Variants in PCDHGA10 observed in about 807,000 individuals in gnomAD.
PCDHGA10 encodes protocadherin gamma-A10.
A neutral mutation model predicts 59.5 loss-of-function variants in PCDHGA10; 42 were observed. That is an observed-to-expected ratio of 0.71 (90% CI 0.55 to 0.91). The LOEUF (loss-of-function observed/expected upper bound fraction) is 0.91, where lower values mean the gene tolerates loss of function less well. PCDHGA10 is among the 40% of genes least tolerant of loss of function. The pLI is 0.00. For synonymous variants in PCDHGA10, 511 were observed against 517.2 expected, an observed-to-expected ratio of 0.99 and a Z score of 0.16; for missense variants, 1,111 against 1,198.2, an observed-to-expected ratio of 0.93 and a Z score of 1.07.
intron 1 of PCDHGA10, among the ~76,000 whole-genome samples, chr5:141,463,762 T>C (rs113547206): frequency 2.0e-5 from 3 of 152,214 alleles, no homozygotes; most frequent in African/African-American, 4.8e-5. Flanking sequence ...TCTTCTCTTA[T>C]GGGTTAGAAT....
At chr5:141,438,834 T>A (rs915381229) in intron 1 of PCDHGA10, among the ~76,000 whole-genome samples, 5 of 150,606 alleles carry the variant, frequency 3.3e-5, no homozygotes, top group South Asian at 2.1e-4. Context: ...GCTAATTTTT[T>A]AAAATATTTT....
At position 141,477,401 on chromosome 5, in the gene PCDHGA10, G is replaced by T. The variant is rs781253466; in HGVS notation, c.2437-17406G>T. On this transcript the variant is annotated intron_variant, in intron 1 of 3. Coordinates refer to ENST00000398610, the MANE Select transcript of PCDHGA10 (RefSeq NM_018913.3). The surrounding 1 kb of genome is among the most constrained non-coding windows in gnomAD (Gnocchi z 4.9). ...GCCAGAATACAACCTCAGCATCACC[G>T]CCCGAGACGCCGGAACCCCTTCCCT... 8 of 1,613,960 alleles carry T rather than the reference G, an allele frequency of 5.0e-6. No homozygotes were observed. The highest frequency in any genetic ancestry group is 4.5e-5 in the East Asian group (2 of 44,890).
chr5:141,489,962 C>A lies in PCDHGA10; in HGVS notation c.2437-4845C>A. The A allele has an allele frequency of 6.2e-7, 1 of 1,614,184 alleles. No individual in the cohort carries two copies. The highest frequency in any genetic ancestry group is 8.5e-7 in the Non-Finnish European group (1 of 1,180,008). ...CTGGACATCAATGATAATGCTCCAA[C>A]CTTCCAATCCTCAGTTCTACGTGTG... is the stretch of plus-strand genomic sequence containing the variant. On this transcript the variant is annotated intron_variant, in intron 1 of 3. Transcript: ENST00000398610. This position sits in a 1 kb window ranked among gnomAD's most constrained non-coding sequence, Gnocchi z 4.5.
At position 141,413,561 on chromosome 5, in the gene PCDHGA10, AT is replaced by A. The variant is rs1363955348; in HGVS notation, c.387del (p.Asp129GlufsTer14). The stretch of plus-strand genomic sequence containing the variant: ...TTTGGGATAGAAATAGAAGTAACTG[AT>A]ATCAATGACAATGCTCCAAAATTCC... ...KLFGIEIEVT[D>X]INDNAPKFQA... On this transcript the variant is annotated frameshift_variant, in exon 1 of 4. Coordinates refer to ENST00000398610, the MANE Select transcript of PCDHGA10 (RefSeq NM_018913.3). LOFTEE classifies it high-confidence loss of function. The A allele has an allele frequency of 6.2e-6, 10 of 1,613,806 alleles. No individual in the cohort carries two copies. In the Admixed American group the frequency reaches 1.3e-4, roughly 22 times the overall value.
At chr5:141,501,423 A>C (rs1195105794) in intron 2 of PCDHGA10, among the ~76,000 whole-genome samples, 1 of 151,966 alleles carries the variant, frequency 6.6e-6, no homozygotes, top group Non-Finnish European at 1.5e-5. Flanking sequence ...AGTTGACTAA[A>C]TGTAGTCCAT....
intron 1 of PCDHGA10, among the ~76,000 whole-genome samples, chr5:141,438,591 C>CATACAT (rs1228520343): frequency 1.3e-5 from 1 of 75,562 alleles, no homozygotes; most frequent in Non-Finnish European, 2.7e-5. Flanking sequence ...TACATACATA[C>CATACAT]ATATATATAT....
In PCDHGA10 at chr5:141,476,839, G is replaced by T; in HGVS notation, c.2437-17968G>T. The T allele has an allele frequency of 1.9e-6, 3 of 1,613,610 alleles. No individual in the cohort carries two copies. Among genetic ancestry groups the T allele is most frequent in the East Asian group, 2.2e-5 (1 of 44,862 alleles). ...AGGTGCTGGACGCGAATGACAATGC[G>T]CCTGTCTTCAACCAGTCCTTGTACC... On this transcript the variant is annotated intron_variant, in intron 1 of 3. Coordinates refer to ENST00000398610, the MANE Select transcript of PCDHGA10 (RefSeq NM_018913.3). This position sits in a 1 kb window ranked among gnomAD's most constrained non-coding sequence, Gnocchi z 7.6.
At chr5:141,450,676 G>A (rs1174388119) in intron 1 of PCDHGA10, among the ~76,000 whole-genome samples, 5 of 151,796 alleles carry the variant, frequency 3.3e-5, no homozygotes, top group African/African-American at 7.3e-5. Flanking sequence ...TAGTAGAAAC[G>A]GGGTTTTGCC....
chr5:141,423,159 G>A lies in PCDHGA10; in HGVS notation c.2436+7548G>A, dbSNP rs750186629. On this transcript the variant is annotated intron_variant, in intron 1 of 3. Transcript: ENST00000398610. Reference sequence around the variant, plus strand: ...GAGACGCGCTCAAGCAGAGCCTCGTGGTGGCCGTCCAGGACCACGGCCAGC... The same window carrying A: ...GAGACGCGCTCAAGCAGAGCCTCGTAGTGGCCGTCCAGGACCACGGCCAGC... The A allele has an allele frequency of 1.9e-5, 31 of 1,610,746 alleles. 1 individual carries two copies. The highest frequency in any genetic ancestry group is 3.3e-4 in the Middle Eastern group (2 of 6,080).
chr5:141,461,371 G>C (rs755281402), intron 1 of PCDHGA10, among the ~76,000 whole-genome samples: 1 of 152,084 alleles, frequency 6.6e-6, no homozygotes, highest in Non-Finnish European at 1.5e-5. Context: ...GTTTTAATTT[G>C]CATTTTCCTG....
At chr5:141,475,829 G>A (rs1408248560) in intron 1 of PCDHGA10, 5 of 386,748 alleles carry the variant, frequency 1.3e-5, no homozygotes, top group Non-Finnish European at 2.3e-5. Flanking sequence ...GCGCTAGCGC[G>A]TGTCCTGCTC....
chr5:141,424,195 A>C (rs2096804945), intron 1 of PCDHGA10: 1 of 183,680 alleles, frequency 5.4e-6, no homozygotes, highest in Non-Finnish European at 1.1e-5. Context: ...ACACACTTAT[A>C]CACGTAAGCT....
chr5:141,496,140 T>C (rs1172903212), intron 2 of PCDHGA10, among the ~76,000 whole-genome samples: 1 of 152,006 alleles, frequency 6.6e-6, no homozygotes, highest in Admixed American at 6.6e-5. Flanking sequence ...CACTGAGCCT[T>C]TGATCGCAGC....
Position 141,414,572 on chromosome 5 carries a change from C to T in PCDHGA10, c.1397C>T (p.Pro466Leu). The change falls in exon 1 of 4, where the codon CCA becomes CTA. Residue 466 changes from proline to leucine, a missense_variant. Coordinates refer to ENST00000398610, the MANE Select transcript of PCDHGA10 (RefSeq NM_018913.3). The stretch of plus-strand genomic sequence containing the variant: ...CAAGTCTCCTACTTTACCTATATCC[C>T]AGAGAACAACGCCAGGGGTGCCTCC... Reference protein sequence around the residue: ...FSQVSYFTYIPENNARGASIF... With the variant: ...FSQVSYFTYILENNARGASIF... 6.2e-7 allele frequency: 1 copy of T among 1,613,960 alleles called. No individual in the cohort carries two copies. The highest frequency in any genetic ancestry group is 8.5e-7 in the Non-Finnish European group (1 of 1,179,888).
At chr5:141,418,163 T>G in intron 1 of PCDHGA10, 1 of 1,614,002 alleles carries the variant, frequency 6.2e-7, no homozygotes, top group Non-Finnish European at 8.5e-7. Context: ...GAGAAGAAGA[T>G]GTGAGTTGCA....
chr5:141,462,161 T>G (rs1592764918), intron 1 of PCDHGA10, among the ~76,000 whole-genome samples: 1 of 152,148 alleles, frequency 6.6e-6, no homozygotes, highest in Non-Finnish European at 1.5e-5. Flanking sequence ...GGTTTCATCA[T>G]GTTGGCCAGG....
At position 141,413,350 on chromosome 5, in the gene PCDHGA10, G is replaced by C; in HGVS notation, c.175G>C (p.Ala59Pro). 6.2e-7 allele frequency: 1 copy of C among 1,613,974 alleles called. No individual in the cohort carries two copies. Among genetic ancestry groups the C allele is most frequent in the South Asian group, 1.1e-5 (1 of 91,086 alleles). The change falls in exon 1 of 4, where the codon GCG becomes CCG. Residue 59 changes from alanine (A) to proline (P), a missense_variant. By Grantham distance (27) the Ala-to-Pro change is conservative (BLOSUM62 -1). Transcript: ENST00000398610. ...VGNISKDLGL[A>P]PRELAERGVR... ...CAACATCTCCAAGGACTTGGGTCTG[G>C]CGCCCCGGGAGCTGGCGGAGCGCGG... is the stretch of plus-strand genomic sequence containing the variant.
chr5:141,465,043 T>C (rs1404714692), intron 1 of PCDHGA10, among the ~76,000 whole-genome samples: 2 of 152,030 alleles, frequency 1.3e-5, no homozygotes, highest in Non-Finnish European at 2.9e-5. Context: ...CAAATGACCC[T>C]ATATATTTTT....
intron 1 of PCDHGA10, among the ~76,000 whole-genome samples, chr5:141,429,759 C>T (rs1233949322): frequency 6.6e-6 from 1 of 151,946 alleles, no homozygotes; most frequent in East Asian, 1.9e-4. Flanking sequence ...GAATTTTTTC[C>T]CTATATTTTG....
Sources: allele counts gnomAD v4.1 joint callset (sites outside exome capture counted in the v4.1 genomes callset), GRCh38; gene constraint gnomAD v4.1.1; non-coding constraint Gnocchi (gnomAD v3.1); transcripts MANE v1.5; gene names NCBI Gene and HGNC (gene_info 2026-07-23, HGNC 2026-07-21).